The following FGF13 variants were observed in gnomAD, a reference collection of about 807,000 sequenced individuals.
FGF13 encodes fibroblast growth factor 13.
A neutral mutation model predicts 19.5 loss-of-function variants in FGF13; 2 were observed. That is an observed-to-expected ratio of 0.10 (90% CI 0.04 to 0.32). The LOEUF is 0.32. Among genes scored for constraint, FGF13 ranks in the 10% least tolerant of loss-of-function variants. The pLI is 1.00. For synonymous variants in FGF13, 72 were observed against 76.9 expected (o/e 0.94, Z 0.33); for missense variants, 113 against 192.7 (o/e 0.59, Z 2.45).
At chrX:139,019,554 A>G (rs573894334) in intron 1 of FGF13, among the ~76,000 whole-genome samples, 2 of 111,614 alleles carry the variant, frequency 1.8e-5, no homozygotes, top group South Asian at 7.5e-4. Flanking sequence ...ATAGATATGA[A>G]GGGCTGAACT....
chrX:139,134,876 G>C (rs193220148), intron 1 of FGF13, among the ~76,000 whole-genome samples: 37 of 110,750 alleles, frequency 3.3e-4, no homozygotes, highest in African/African-American at 1.2e-3. Context: ...TCAAACTCCT[G>C]ATCTCAGGTG....
intron 1 of FGF13, among the ~76,000 whole-genome samples, chrX:138,864,817 C>T (rs745803769): frequency 7.1e-5 from 8 of 112,361 alleles, no homozygotes; most frequent in Non-Finnish European, 1.5e-4. Context: ...GGAGTACATT[C>T]CACCTTAGAA....
chrX:138,924,001 C>G (rs1440212178), intron 1 of FGF13, among the ~76,000 whole-genome samples: 1 of 112,036 alleles, frequency 8.9e-6, no homozygotes, highest in South Asian at 3.7e-4. Context: ...GAAAGGATAA[C>G]CATGTTGAAA....
At chrX:138,657,970 G>A (rs945254731) in intron 3 of FGF13, among the ~76,000 whole-genome samples, 1 of 109,859 alleles carries the variant, frequency 9.1e-6, no homozygotes, top group African/African-American at 3.3e-5. Context: ...CTATGTTCAA[G>A]TTACTAAATC....
At chrX:139,090,533 A>G (rs1312888975) in intron 1 of FGF13, among the ~76,000 whole-genome samples, 1 of 111,123 alleles carries the variant, frequency 9.0e-6, no homozygotes, top group Non-Finnish European at 1.9e-5. Context: ...TTATCTCATC[A>G]CTCAGGTAGT....
intron 1 of FGF13, among the ~76,000 whole-genome samples, chrX:139,006,434 A>G (rs1177461467): frequency 8.9e-6 from 1 of 111,912 alleles, no homozygotes; most frequent in Non-Finnish European, 1.9e-5. Flanking sequence ...AATGCTAAAG[A>G]GAGAACTTCA....
chrX:138,816,798 A>G (rs1331150733), intron 3 of FGF13, among the ~76,000 whole-genome samples: 1 of 111,484 alleles, frequency 9.0e-6, no homozygotes, highest in Non-Finnish European at 1.9e-5. Context: ...TGTTACTGTT[A>G]GGGTATTTTA....
chrX:138,875,001 G>T (rs1432443337), intron 1 of FGF13, among the ~76,000 whole-genome samples: 1 of 110,739 alleles, frequency 9.0e-6, no homozygotes, highest in South Asian at 3.9e-4. Flanking sequence ...CAGCACTTTG[G>T]GAGGCCGAGG....
At chrX:138,873,141 C>T (rs2091367540) in intron 1 of FGF13, among the ~76,000 whole-genome samples, 1 of 111,626 alleles carries the variant, frequency 9.0e-6, no homozygotes, top group Non-Finnish European at 1.9e-5. Flanking sequence ...CCTAAATCCT[C>T]TACAAAACGT....
At position 138,623,007 on chromosome X, in the gene FGF13, A is replaced by G. The variant is rs1194160350; in HGVS notation, c.*9843T>C. On this transcript the variant is annotated 3_prime_UTR_variant, in exon 5 of 5. Coordinates refer to ENST00000315930, the MANE Select transcript of FGF13 (RefSeq NM_004114.5). Reference sequence around the variant, plus strand: ...ATCTTTCACCTCCTTTGCTAAATTTATTTCTAAGTATTTTTTTGCAATTGC... The same window carrying G: ...ATCTTTCACCTCCTTTGCTAAATTTGTTTCTAAGTATTTTTTTGCAATTGC... The G allele has an allele frequency of 1.8e-5, 2 of 111,521 alleles. No individual in the cohort carries two copies. Among genetic ancestry groups the G allele is most frequent in the Non-Finnish European group, 3.8e-5 (2 of 53,057 alleles). 9.2% of individuals were successfully genotyped at this position (111,521 alleles called of 1,213,427 possible). A position where few individuals can be genotyped will look rare whatever the true frequency, so the allele number is the denominator to read the frequency against.
At chrX:138,984,880 T>C (rs1259593279) in intron 1 of FGF13, 1 of 270,246 alleles carries the variant, frequency 3.7e-6, no homozygotes, top group Non-Finnish European at 7.1e-6. Context: ...GAGGCAACAC[T>C]GTCATCATTT....
upstream of FGF13, among the ~76,000 whole-genome samples, chrX:138,743,612 C>A (rs1051048289): frequency 3.6e-5 from 4 of 110,788 alleles, no homozygotes; most frequent in African/African-American, 1.3e-4. Context: ...AGTGGGGAGG[C>A]CATCCAGGGA....
At chrX:138,761,526 G>T (rs368408833) in intron 3 of FGF13, among the ~76,000 whole-genome samples, 3 of 111,372 alleles carry the variant, frequency 2.7e-5, no homozygotes, top group East Asian at 5.7e-4. Context: ...TAAGCCAGTG[G>T]CAAGTCAGTT....
rs2089104071 is a variant in FGF13 at position 138,630,361 on chromosome X, A to G, written c.*2489T>C. On this transcript the variant is annotated 3_prime_UTR_variant, in exon 5 of 5. Coordinates refer to ENST00000315930, the MANE Select transcript of FGF13 (RefSeq NM_004114.5). ...CAAACTTTAAAGTTCTTAGAGAAAG[A>G]GGGAGACAATGCACTACTTTTCCCT... 1 of 111,337 alleles carries G rather than the reference A, an allele frequency of 9.0e-6. No homozygotes were observed. Among genetic ancestry groups the G allele is most frequent in the Admixed American group, 9.6e-5 (1 of 10,369 alleles). The allele number at this position is 111,337 out of a possible 1,213,427, so 9.2% of individuals were successfully genotyped here. A position where few individuals can be genotyped will look rare whatever the true frequency, so the allele number is the denominator to read the frequency against.
Position 138,769,132 on chromosome X carries a change from C to T in FGF13, c.218-60204G>A, listed in dbSNP as rs185172538. On this transcript the variant is annotated intron_variant, in intron 3 of 6. Coordinates refer to the FGF13 transcript ENST00000436198. ...ACATAACTGATCCATGACTACTTGG[C>T]AAGTAGGTATAAATGGATCCTATTT... Among the ~76,000 whole-genome samples, 621 of 111,503 alleles carry T rather than the reference C, an allele frequency of 5.6e-3. 19 individuals carry two copies. The highest frequency in any genetic ancestry group is 0.052 in the Admixed American group (545 of 10,402).
intron 1 of FGF13, among the ~76,000 whole-genome samples, chrX:138,916,223 G>A (rs1464670159): frequency 9.0e-6 from 1 of 111,587 alleles, no homozygotes; most frequent in Non-Finnish European, 1.9e-5. Context: ...GCAAACTCCT[G>A]ACATATGGGA....
chrX:138,908,238 ATT>A (rs745634414), intron 1 of FGF13, among the ~76,000 whole-genome samples: 1 of 100,813 alleles, frequency 9.9e-6, no homozygotes. Context: ...GCCCGGCTAA[ATT>A]TTTTTTTTTT....
chrX:138,970,360 T>C (rs2124316471), intron 1 of FGF13, among the ~76,000 whole-genome samples: 1 of 111,377 alleles, frequency 9.0e-6, no homozygotes, highest in East Asian at 2.8e-4. Flanking sequence ...CTAAGGGACA[T>C]AGCTGGGACT....
At chrX:139,025,978 G>A (rs751999612) in intron 1 of FGF13, among the ~76,000 whole-genome samples, 3 of 110,506 alleles carry the variant, frequency 2.7e-5, no homozygotes, top group Non-Finnish European at 5.7e-5. Flanking sequence ...CAAATTCCTG[G>A]TTCTATTTGC....
Sources: allele counts gnomAD v4.1 joint callset (sites outside exome capture counted in the v4.1 genomes callset), GRCh38; gene constraint gnomAD v4.1.1; transcripts MANE v1.5; gene names NCBI Gene and HGNC (gene_info 2026-07-23, HGNC 2026-07-21).